The following IL1RAPL1 variants were observed in gnomAD, a reference collection of about 807,000 sequenced individuals.
IL1RAPL1 encodes the protein interleukin 1 receptor accessory protein like 1, also known as interleukin-1 receptor accessory protein-like 1.
In IL1RAPL1, 3 loss-of-function variants were observed where a neutral mutation model predicts 48.4. The ratio of observed to expected loss-of-function variants is 0.06; its 90% CI spans 0.03 to 0.16. The LOEUF is 0.16. Ranked by LOEUF, IL1RAPL1 falls within the 10% of genes least tolerant of loss-of-function variation. The pLI, the probability that IL1RAPL1 is intolerant of heterozygous loss-of-function variation, is 1.00. For synonymous variants in IL1RAPL1, 185 were observed against 187.7 expected (o/e 0.99, Z 0.12); for missense variants, 349 against 530.6 (o/e 0.66, Z 3.36).
In IL1RAPL1 at chrX:29,458,892, G is replaced by A. The variant is rs373521736; in HGVS notation, c.703+59584G>A. The stretch of plus-strand genomic sequence containing the variant: ...TTACGTAAAGGGCTAGATTGTAAAT[G>A]TTTTCAGTTTTATGGGTCATGTGGT... On this transcript the variant is annotated intron_variant, in intron 5 of 10. Coordinates refer to ENST00000378993, the MANE Select transcript of IL1RAPL1 (RefSeq NM_014271.4). Among the ~76,000 whole-genome samples, 19 of 111,315 alleles carry A rather than the reference G, an allele frequency of 1.7e-4. No homozygotes were observed. In the East Asian group the frequency reaches 2.3e-3, roughly 13 times the overall value.
At chrX:28,837,159 A>C (rs903446280) in intron 2 of IL1RAPL1, among the ~76,000 whole-genome samples, 6 of 111,556 alleles carry the variant, frequency 5.4e-5, no homozygotes, top group Admixed American at 3.8e-4. Flanking sequence ...TAATATAGGC[A>C]TTACCTCACA....
intron 5 of IL1RAPL1, among the ~76,000 whole-genome samples, chrX:29,586,170 C>G (rs1242675029): frequency 9.0e-6 from 1 of 111,630 alleles, no homozygotes; most frequent in Admixed American, 9.6e-5. Flanking sequence ...AGTAGTTTTA[C>G]AGTTTCAGGT....
intron 6 of IL1RAPL1, among the ~76,000 whole-genome samples, chrX:29,692,266 T>C (rs1926793889): frequency 1.8e-5 from 2 of 112,123 alleles, no homozygotes; most frequent in South Asian, 7.4e-4. Flanking sequence ...ATTTAATATG[T>C]TGACTTCTCA....
chrX:29,865,213 G>T (rs1601857182), intron 6 of IL1RAPL1, among the ~76,000 whole-genome samples: 1 of 112,036 alleles, frequency 8.9e-6, no homozygotes, highest in East Asian at 2.8e-4. Context: ...TCCATGAAAA[G>T]CAAAATGGGA....
chrX:29,795,557 C>T (rs370932575), intron 6 of IL1RAPL1, among the ~76,000 whole-genome samples: 7 of 111,632 alleles, frequency 6.3e-5, no homozygotes, highest in Non-Finnish European at 9.4e-5. Context: ...ACTACAGGCA[C>T]GTGCCTCCAC....
intron 2 of IL1RAPL1, among the ~76,000 whole-genome samples, chrX:29,114,479 T>C (rs917512245): frequency 3.6e-5 from 4 of 112,331 alleles, no homozygotes; most frequent in African/African-American, 1.3e-4. Context: ...TTTCCTTTTG[T>C]CCTGATCAAT....
chrX:28,774,127 C>T (rs1436891800), intron 1 of IL1RAPL1, among the ~76,000 whole-genome samples: 2 of 111,556 alleles, frequency 1.8e-5, no homozygotes, highest in Non-Finnish European at 3.8e-5. Context: ...TGTTGTAGTT[C>T]AAGACCTCAA....
At chrX:28,837,447 C>G (rs1016168588) in intron 2 of IL1RAPL1, among the ~76,000 whole-genome samples, 3 of 110,486 alleles carry the variant, frequency 2.7e-5, no homozygotes, top group Non-Finnish European at 5.7e-5. Flanking sequence ...ACGTTTGTCT[C>G]TATTTAGAAA....
At chrX:28,873,716 A>G (rs1922286384) in intron 2 of IL1RAPL1, among the ~76,000 whole-genome samples, 2 of 106,401 alleles carry the variant, frequency 1.9e-5, no homozygotes, top group African/African-American at 6.9e-5. Context: ...TATTTTTAGT[A>G]GAGACGGGGT....
intron 3 of IL1RAPL1, among the ~76,000 whole-genome samples, chrX:29,356,537 T>G (rs1933305402): frequency 9.0e-6 from 1 of 110,633 alleles, no homozygotes; most frequent in Non-Finnish European, 1.9e-5. Context: ...TGTGCATATA[T>G]ACACACACGT....
intron 3 of IL1RAPL1, among the ~76,000 whole-genome samples, chrX:29,335,156 G>A (rs1310958998): frequency 9.6e-6 from 1 of 104,458 alleles, no homozygotes; most frequent in Non-Finnish European, 2.0e-5. Flanking sequence ...GCAGGCACTC[G>A]GCAGGCTGAG....
intron 6 of IL1RAPL1, among the ~76,000 whole-genome samples, chrX:29,743,018 G>A (rs1026245906): frequency 1.8e-5 from 2 of 109,610 alleles, no homozygotes; most frequent in African/African-American, 6.6e-5. Context: ...TGTTAAAATG[G>A]CACTTATACA....
At chrX:29,305,449 G>C (rs1419067400) in intron 3 of IL1RAPL1, among the ~76,000 whole-genome samples, 1 of 112,186 alleles carries the variant, frequency 8.9e-6, no homozygotes, top group Non-Finnish European at 1.9e-5. Flanking sequence ...GCAGAGCTTG[G>C]AGTGAGAAGG....
intron 2 of IL1RAPL1, among the ~76,000 whole-genome samples, chrX:29,080,994 T>TCTCTCTCTC (rs1927809544): frequency 2.6e-4 from 7 of 26,435 alleles, no homozygotes; most frequent in Admixed American, 5.5e-4. Context: ...CTTTCTTTCT[T>TCTCTCTCTC]TCTCTCTCTC....
At chrX:28,922,162 C>T (rs781223256) in intron 2 of IL1RAPL1, among the ~76,000 whole-genome samples, 5 of 111,336 alleles carry the variant, frequency 4.5e-5, no homozygotes, top group Admixed American at 3.8e-4. Flanking sequence ...TGAAATCAGG[C>T]GGTCAAGTTT....
chrX:29,575,041 A>G (rs1922730050), intron 5 of IL1RAPL1, among the ~76,000 whole-genome samples: 1 of 111,603 alleles, frequency 9.0e-6, no homozygotes, highest in Non-Finnish European at 1.9e-5. Flanking sequence ...CAATTTAACA[A>G]GTCTCTAGAA....
At chrX:29,291,244 A>G (rs1408271228) in intron 3 of IL1RAPL1, among the ~76,000 whole-genome samples, 1 of 110,958 alleles carries the variant, frequency 9.0e-6, no homozygotes, top group Non-Finnish European at 1.9e-5. Context: ...ATAAATAGTG[A>G]GATAGGGATA....
At chrX:29,503,539 G>A (rs1167179727) in intron 5 of IL1RAPL1, among the ~76,000 whole-genome samples, 2 of 111,827 alleles carry the variant, frequency 1.8e-5, no homozygotes, top group African/African-American at 6.5e-5. Flanking sequence ...ATAGATTTTG[G>A]TGTTGTATTT....
chrX:29,113,379 ATCT>A (rs1393562649), intron 2 of IL1RAPL1, among the ~76,000 whole-genome samples: 2 of 111,301 alleles, frequency 1.8e-5, no homozygotes, highest in African/African-American at 6.5e-5. Flanking sequence ...CTCTTTATTG[ATCT>A]TCTTCAAGTG....
Sources: allele counts gnomAD v4.1 joint callset (sites outside exome capture counted in the v4.1 genomes callset), GRCh38; gene constraint gnomAD v4.1.1; transcripts MANE v1.5; gene names NCBI Gene and HGNC (gene_info 2026-07-23, HGNC 2026-07-21).